CCDC88C: variants seen among roughly 807,000 people sequenced by gnomAD.
CCDC88C encodes coiled-coil and HOOK domain protein 88C.
A neutral mutation model predicts 198.8 loss-of-function variants in CCDC88C; 131 were observed. The observed-to-expected ratio is 0.66, with a 90% CI of 0.57 to 0.76. CCDC88C has a LOEUF of 0.76. Among genes scored for constraint, CCDC88C ranks in the 30% least tolerant of loss-of-function variants. CCDC88C has a pLI of 0.00. For synonymous variants in CCDC88C, 1,166 were observed against 1,114.7 expected, an observed-to-expected ratio of 1.05 and a Z score of -0.92; for missense variants, 2,553 against 2,631.6, an observed-to-expected ratio of 0.97 and a Z score of 0.65.
chr14:91,353,592 G>C (rs1198553433), intron 4 of CCDC88C, among the ~76,000 whole-genome samples: 1 of 152,204 alleles, frequency 6.6e-6, no homozygotes, highest in Non-Finnish European at 1.5e-5. Context: ...CTTTTATTTG[G>C]GGAGGTCAGA....
intron 12 of CCDC88C, among the ~76,000 whole-genome samples, chr14:91,323,546 C>T (rs533423523): frequency 6.6e-6 from 1 of 152,296 alleles, no homozygotes; most frequent in East Asian, 1.9e-4. Context: ...TTGCACGATG[C>T]CATCATTCTA....
intron 10 of CCDC88C, among the ~76,000 whole-genome samples, chr14:91,331,328 C>T (rs775202724): frequency 6.6e-6 from 1 of 152,204 alleles, no homozygotes; most frequent in Non-Finnish European, 1.5e-5. Context: ...TCCCAAGCAC[C>T]TTTTCCTCCT....
chr14:91,362,052 G>A (rs1254900796), intron 3 of CCDC88C, among the ~76,000 whole-genome samples: 3 of 152,046 alleles, frequency 2.0e-5, no homozygotes, highest in African/African-American at 4.8e-5. Context: ...TGGCCAACAT[G>A]GTGAAATCCT....
At chr14:91,370,578 G>A (rs549560335) in intron 3 of CCDC88C, among the ~76,000 whole-genome samples, 5 of 152,252 alleles carry the variant, frequency 3.3e-5, no homozygotes, top group East Asian at 1.9e-4. Flanking sequence ...GGCAGGACAC[G>A]GCATTCGACT....
rs1345606540 is a variant in CCDC88C at position 91,371,666 on chromosome 14, G to A, written c.271-11955C>T. On this transcript the variant is annotated intron_variant, in intron 3 of 29. Coordinates refer to ENST00000389857, the MANE Select transcript of CCDC88C (RefSeq NM_001080414.4). The surrounding 1 kb of genome is among the most constrained non-coding windows in gnomAD (Gnocchi z 4.2). ...TGGGCACACCCTCCCTAGCTCAGCAGAAGCAAGGCCTTCCTCGTCCCAGCA... is the reference window on the plus strand; with the variant it reads ...TGGGCACACCCTCCCTAGCTCAGCAAAAGCAAGGCCTTCCTCGTCCCAGCA... Among the ~76,000 whole-genome samples, 1 of 152,158 alleles carries A rather than the reference G, an allele frequency of 6.6e-6. No homozygotes were observed.
In CCDC88C at chr14:91,313,684, C is replaced by A. The variant is rs1014894760; in HGVS notation, c.2132G>T (p.Arg711Met). The A allele has an allele frequency of 2.2e-5, 35 of 1,611,698 alleles. No homozygotes were observed. The highest frequency in any genetic ancestry group is 2.5e-5 in the Non-Finnish European group (30 of 1,179,888). ...GGTGAAGCGCATGGTCTCCACCAGC[C>A]TGCGCAGCTCCAGGTTCTCTGCGTC... is the stretch of plus-strand genomic sequence containing the variant. ...QLDAENLELR[R>M]LVETMRFTST... The change falls in exon 15 of 30, where the codon AGG (arginine) becomes ATG (methionine). Residue 711 changes from arginine (R) to methionine (M), a missense_variant. Around this residue, in one of 2 missense-constraint regions of CCDC88C, gnomAD observed 1,260 missense variants for 1,412.0 expected, o/e 0.89. Coordinates refer to ENST00000389857, the MANE Select transcript of CCDC88C (RefSeq NM_001080414.4). This position sits in a 1 kb window ranked among gnomAD's most constrained non-coding sequence, Gnocchi z 5.2.
At chr14:91,286,734 G>C (rs868779848) in intron 25 of CCDC88C, among the ~76,000 whole-genome samples, 1 of 152,226 alleles carries the variant, frequency 6.6e-6, no homozygotes, top group Non-Finnish European at 1.5e-5. Flanking sequence ...GGCATCTTCA[G>C]GGACCCAGAG....
rs1596009341 is a variant in CCDC88C, at chr14:91,273,682, T to G, written c.5059-29A>C. ...CGGAGAAGAGAGTGAAGGTTGGAGGTGGGCATGAGGGTTGGGTGGGTCCTT... is the reference window on the plus strand; with the variant it reads ...CGGAGAAGAGAGTGAAGGTTGGAGGGGGGCATGAGGGTTGGGTGGGTCCTT... On this transcript the variant is annotated intron_variant, in intron 29 of 29. Coordinates refer to ENST00000389857, the MANE Select transcript of CCDC88C (RefSeq NM_001080414.4). The surrounding 1 kb of genome is among the most constrained non-coding windows in gnomAD (Gnocchi z 5.6). The G allele has an allele frequency of 7.0e-7, 1 of 1,432,898 alleles. No homozygotes were observed. Among genetic ancestry groups the G allele is most frequent in the Non-Finnish European group, 9.2e-7 (1 of 1,089,310 alleles). 88.8% of individuals were successfully genotyped at this position (1,432,898 alleles called of 1,614,324 possible).
At chr14:91,351,624 G>A (rs1036433451) in intron 4 of CCDC88C, among the ~76,000 whole-genome samples, 1 of 152,070 alleles carries the variant, frequency 6.6e-6, no homozygotes, top group African/African-American at 2.4e-5. Flanking sequence ...ATGTCACCAC[G>A]TGCCCCCACC....
At chr14:91,301,850 T>C (rs1284228406) in intron 20 of CCDC88C, among the ~76,000 whole-genome samples, 11 of 152,242 alleles carry the variant, frequency 7.2e-5, no homozygotes, top group Non-Finnish European at 5.9e-5. Flanking sequence ...GAATGCTTCA[T>C]TAGTTTGTCA....
chr14:91,372,528 C>CGGG (rs199749681), intron 3 of CCDC88C, among the ~76,000 whole-genome samples: 15 of 24,530 alleles, frequency 6.1e-4, no homozygotes, highest in East Asian at 3.5e-3. Context: ...GGCAGTGGTG[C>CGGG]GGGGGGGGGC....
rs1195484382 is a variant in CCDC88C at position 91,315,399 on chromosome 14, C to G, written c.1665+251G>C. Among the ~76,000 whole-genome samples, 6 of 152,288 alleles carry G rather than the reference C, an allele frequency of 3.9e-5. No homozygotes were observed. In the East Asian group the frequency reaches 1.2e-3, roughly 29 times the overall value. ...CCACTCCATGCCAGGAGCACCACCC[C>G]CTCTCTTCCCCGGGGTCACGACAAT... On this transcript the variant is annotated intron_variant, in intron 14 of 29. Transcript: ENST00000389857.
chr14:91,375,784 C>T (rs560814441), intron 3 of CCDC88C, among the ~76,000 whole-genome samples: 1 of 152,352 alleles, frequency 6.6e-6, no homozygotes, highest in East Asian at 1.9e-4. Context: ...GAGCACCTTC[C>T]CTGTGCGAGG....
intron 23 of CCDC88C, among the ~76,000 whole-genome samples, chr14:91,292,080 G>A (rs545682964): frequency 1.8e-4 from 28 of 152,212 alleles, no homozygotes; most frequent in South Asian, 4.1e-4. Flanking sequence ...GCTCATTCTC[G>A]AAGCTGCCAA....
At chr14:91,408,791 G>A in intron 2 of CCDC88C, 24 bp from the exon 3 acceptor site, 2 of 1,508,608 alleles carry the variant, frequency 1.3e-6, no homozygotes, top group East Asian at 4.5e-5. Flanking sequence ...CACGAGAATG[G>A]AAATTGCATC....
chr14:91,333,171 A>G (rs1221275865), intron 10 of CCDC88C, among the ~76,000 whole-genome samples: 1 of 152,248 alleles, frequency 6.6e-6, no homozygotes, highest in Non-Finnish European at 1.5e-5. Flanking sequence ...ATAGGAATAC[A>G]TTAAGTAATT....
At chr14:91,369,763 C>G (rs1046730159) in intron 3 of CCDC88C, among the ~76,000 whole-genome samples, 4 of 152,186 alleles carry the variant, frequency 2.6e-5, no homozygotes, top group Non-Finnish European at 5.9e-5. Context: ...TCATGTAAAG[C>G]TGCTGATAGA....
chr14:91,296,052 A>C (rs10143270), intron 22 of CCDC88C, among the ~76,000 whole-genome samples: 1 of 152,024 alleles, frequency 6.6e-6, no homozygotes. Flanking sequence ...CAGCCTCCCA[A>C]CCGGAAGAAA....
Position 91,284,391 on chromosome 14 carries a change from T to C in CCDC88C, c.4442-874A>G, listed in dbSNP as rs768077165. Among the ~76,000 whole-genome samples the C allele has an allele frequency of 2.0e-5, 3 of 152,190 alleles. No individual in the cohort carries two copies. The highest frequency in any genetic ancestry group is 2.9e-5 in the Non-Finnish European group (2 of 68,024). Reference sequence around the variant, plus strand: ...GTTTTAAGTGCCCAGAGCTGATGATTTGAAATCAAGGGGAAATTTGGATTT... The same window carrying C: ...GTTTTAAGTGCCCAGAGCTGATGATCTGAAATCAAGGGGAAATTTGGATTT... On this transcript the variant is annotated intron_variant, in intron 25 of 29. Coordinates refer to ENST00000389857, the MANE Select transcript of CCDC88C (RefSeq NM_001080414.4). This position sits in a 1 kb window ranked among gnomAD's most constrained non-coding sequence, Gnocchi z 4.1.
Sources: allele counts gnomAD v4.1 joint callset (sites outside exome capture counted in the v4.1 genomes callset), GRCh38; gene constraint gnomAD v4.1.1; regional missense constraint gnomAD v4.1.1; non-coding constraint Gnocchi (gnomAD v3.1); transcripts MANE v1.5; gene names NCBI Gene and HGNC (gene_info 2026-07-23, HGNC 2026-07-21).